LINGO2: variants seen among roughly 807,000 people sequenced by gnomAD.
The protein encoded by LINGO2 is leucine-rich repeat and immunoglobulin-like domain-containing nogo receptor-interacting protein 2.
LINGO2 carries 14 observed loss-of-function variants against 30.6 expected under a neutral mutation model. The ratio of observed to expected loss-of-function variants is 0.46; its 90% CI spans 0.30 to 0.72. LINGO2 has a LOEUF of 0.72. Ranked by LOEUF, LINGO2 falls within the 30% of genes least tolerant of loss-of-function variation. LINGO2 has a pLI of 0.07. For synonymous variants in LINGO2, 317 were observed against 288.5 expected (o/e 1.10, Z -1.00); for missense variants, 729 against 751.7 (o/e 0.97, Z 0.35).
chr9:28,547,898 T>C (rs929950148), intron 1 of LINGO2, among the ~76,000 whole-genome samples: 7 of 152,160 alleles, frequency 4.6e-5, no homozygotes, highest in Non-Finnish European at 8.8e-5. Flanking sequence ...TTCTAAGTTG[T>C]TATACAAATT....
chr9:28,280,049 G>C (rs547509209), intron 4 of LINGO2, among the ~76,000 whole-genome samples: 46 of 152,224 alleles, frequency 3.0e-4, no homozygotes, highest in Non-Finnish European at 5.3e-4. Flanking sequence ...TAAGATGGCA[G>C]ATATTTATAA....
intron 1 of LINGO2, among the ~76,000 whole-genome samples, chr9:28,631,716 A>G (rs1826952769): frequency 1.3e-5 from 2 of 152,074 alleles, no homozygotes; most frequent in Admixed American, 6.6e-5. Context: ...TGTCTCCCCA[A>G]GTGCCGCCTT....
the LINGO2 span, among the ~76,000 whole-genome samples, chr9:28,864,306 G>T: frequency 1.3e-5 from 2 of 152,084 alleles, no homozygotes; most frequent in East Asian, 3.9e-4. Flanking sequence ...GTCCAAGTAA[G>T]TATTTTTTCA....
chr9:28,840,177 T>G, the LINGO2 span, among the ~76,000 whole-genome samples: 1 of 151,936 alleles, frequency 6.6e-6, no homozygotes, highest in South Asian at 2.1e-4. Flanking sequence ...TTCCCAGCTG[T>G]GACTCCGCGG....
chr9:28,019,691 T>C (rs1823019170), intron 4 of LINGO2, among the ~76,000 whole-genome samples: 1 of 152,150 alleles, frequency 6.6e-6, no homozygotes, highest in Non-Finnish European at 1.5e-5. Flanking sequence ...GAATACTGAC[T>C]CTACCATTCT....
chr9:28,133,169 A>C (rs1827424029), intron 4 of LINGO2, among the ~76,000 whole-genome samples: 1 of 152,236 alleles, frequency 6.6e-6, no homozygotes, highest in Admixed American at 6.5e-5. Context: ...CCTATTCACA[A>C]GTAAACTTTG....
At chr9:29,104,343 G>A in the LINGO2 span, among the ~76,000 whole-genome samples, 3 of 152,000 alleles carry the variant, frequency 2.0e-5, no homozygotes, top group Non-Finnish European at 4.4e-5. Context: ...TTAAAAGTGT[G>A]TAGCACTTCC....
At chr9:28,870,893 T>C in the LINGO2 span, among the ~76,000 whole-genome samples, 1 of 152,010 alleles carries the variant, frequency 6.6e-6, no homozygotes, top group East Asian at 1.9e-4. Flanking sequence ...AAAACATGTA[T>C]CAGCCAAAGG....
At chr9:27,941,781 C>T in the LINGO2 span, 2 of 152,146 alleles carry the variant, frequency 1.3e-5, no homozygotes, top group Non-Finnish European at 2.9e-5. Context: ...AATTCATTTC[C>T]TCTTTAACAC....
At chr9:28,735,213 G>T in the LINGO2 span, among the ~76,000 whole-genome samples, 4 of 152,076 alleles carry the variant, frequency 2.6e-5, no homozygotes, top group African/African-American at 7.2e-5. Flanking sequence ...AAGGGAGAGA[G>T]GAAACCCTCC....
chr9:28,240,621 T>G (rs2133970897), intron 4 of LINGO2, among the ~76,000 whole-genome samples: 1 of 152,274 alleles, frequency 6.6e-6, no homozygotes, highest in African/African-American at 2.4e-5. Context: ...TCCCCATCTC[T>G]TATCTTATGC....
the LINGO2 span, among the ~76,000 whole-genome samples, chr9:28,835,256 TA>T: frequency 1.3e-5 from 2 of 152,208 alleles, no homozygotes; most frequent in African/African-American, 4.8e-5. Flanking sequence ...AAGAGGAATT[TA>T]CAGGAATCAC....
chr9:28,864,016 A>G, the LINGO2 span, among the ~76,000 whole-genome samples: 1 of 152,132 alleles, frequency 6.6e-6, no homozygotes, highest in African/African-American at 2.4e-5. Flanking sequence ...ATAAAAGGGC[A>G]TGGTTATTAA....
At chr9:28,040,955 T>C (rs1345602636) in intron 4 of LINGO2, among the ~76,000 whole-genome samples, 1 of 152,192 alleles carries the variant, frequency 6.6e-6, no homozygotes, top group South Asian at 2.1e-4. Flanking sequence ...CAGGAAGTTA[T>C]CAATTTGGCA....
rs190939562 is a variant in LINGO2 at position 28,091,728 on chromosome 9, C to A, written c.-86-79323G>T. 2.0e-3 allele frequency among the ~76,000 whole-genome samples: 301 copies of A among 152,222 alleles called. 1 individual carries two copies. Among genetic ancestry groups the A allele is most frequent in the African/African-American group, 6.7e-3 (278 of 41,542 alleles). On this transcript the variant is annotated intron_variant, in intron 4 of 5. Coordinates refer to ENST00000379992, the Ensembl canonical transcript of LINGO2. ...ATTTAATTAAACTAAAGAGCTTCTG[C>A]AGAGCAAGAGAAACTACCATCAGAG...
rs539104709 is a variant in LINGO2, at chr9:28,055,397, A to G, written c.-86-42992T>C. On this transcript the variant is annotated intron_variant, in intron 4 of 5. Transcript: ENST00000379992. ...CTTCAGCCAAGGAGTCTGAATGGCC[A>G]GGCTATTTTAGCTATTGCCACATTT... Among the ~76,000 whole-genome samples the G allele has an allele frequency of 3.9e-5, 6 of 152,290 alleles. No homozygotes were observed. The East Asian group carries it at 1.2e-3, about 29-fold the overall frequency.
chr9:29,097,209 A>T, the LINGO2 span, among the ~76,000 whole-genome samples: 1 of 138,978 alleles, frequency 7.2e-6, no homozygotes, highest in Non-Finnish European at 1.6e-5. Context: ...GATTTTGTAA[A>T]CATCATAAAG....
chr9:28,198,299 GTTT>G (rs1489797977), intron 4 of LINGO2, among the ~76,000 whole-genome samples: 1 of 151,478 alleles, frequency 6.6e-6, no homozygotes, highest in Admixed American at 6.6e-5. Flanking sequence ...TGTGTATACA[GTTT>G]TACCACTAGT....
chr9:28,717,836 C>G, the LINGO2 span, among the ~76,000 whole-genome samples: 2 of 152,042 alleles, frequency 1.3e-5, no homozygotes, highest in African/African-American at 4.8e-5. Flanking sequence ...TCACACAAAC[C>G]TACACCTCAG....
Sources: gnomAD v4.1 joint callset for allele counts (sites outside exome capture counted in the v4.1 genomes callset) on GRCh38, gnomAD v4.1.1 for gene constraint, MANE v1.5 for transcripts, NCBI Gene and HGNC (gene_info 2026-07-23, HGNC 2026-07-21) for gene names.